Variants in ROR1 observed in about 807,000 individuals in gnomAD.
The protein encoded by ROR1 is ROR family WNT receptor 1.
A neutral mutation model predicts 78.8 loss-of-function variants in ROR1; 19 were observed. The ratio of observed to expected loss-of-function variants is 0.24; its 90% CI spans 0.17 to 0.35. The LOEUF is 0.35. Among genes scored for constraint, ROR1 ranks in the 10% least tolerant of loss-of-function variants. The pLI, the probability that ROR1 is intolerant of heterozygous loss-of-function variation, is 1.00. For synonymous variants in ROR1, 386 were observed against 433.6 expected (o/e 0.89, Z 1.36); for missense variants, 917 against 1,177.8 (o/e 0.78, Z 3.24).
intron 1 of ROR1, among the ~76,000 whole-genome samples, chr1:63,817,539 A>T (rs1644899665): frequency 6.6e-6 from 1 of 152,196 alleles, no homozygotes; most frequent in African/African-American, 2.4e-5. Context: ...GCTCTTTGGC[A>T]GAAGACCAAA....
intron 1 of ROR1, among the ~76,000 whole-genome samples, chr1:64,006,704 C>G (rs889748692): frequency 6.6e-6 from 1 of 152,110 alleles, no homozygotes; most frequent in Non-Finnish European, 1.5e-5. Flanking sequence ...CTATTTTTGG[C>G]TCAGGACGTT....
At chr1:63,836,503 A>T (rs1274132343) in intron 1 of ROR1, among the ~76,000 whole-genome samples, 1 of 152,120 alleles carries the variant, frequency 6.6e-6, no homozygotes, top group Non-Finnish European at 1.5e-5. Context: ...GCAGGGGGGA[A>T]TTCTGAGTTG....
intron 8 of ROR1, among the ~76,000 whole-genome samples, chr1:64,167,689 C>CTAGGTACTAA (rs1650122464): frequency 6.6e-6 from 1 of 152,186 alleles, no homozygotes; most frequent in South Asian, 2.1e-4. Context: ...ACAGCCAAGT[C>CTAGGTACTAA]TAGGTACTAA....
At chr1:64,043,828 T>A (rs1646763388) in intron 2 of ROR1, among the ~76,000 whole-genome samples, 1 of 152,200 alleles carries the variant, frequency 6.6e-6, no homozygotes, top group South Asian at 2.1e-4. Flanking sequence ...AGTTTCCTTA[T>A]CTCTAAAATG....
At chr1:63,889,872 A>C (rs1403068156) in intron 1 of ROR1, among the ~76,000 whole-genome samples, 1 of 152,148 alleles carries the variant, frequency 6.6e-6, no homozygotes, top group African/African-American at 2.4e-5. Flanking sequence ...TGTGGAATTC[A>C]ATCTTATTTA....
intron 7 of ROR1, among the ~76,000 whole-genome samples, chr1:64,149,719 T>A (rs1301864626): frequency 6.6e-6 from 1 of 152,256 alleles, no homozygotes; most frequent in African/African-American, 2.4e-5. Context: ...TTTGTTGTGG[T>A]CACCTTCCAA....
intron 1 of ROR1, among the ~76,000 whole-genome samples, chr1:63,846,115 AGAATGTGTGTG>A (rs1557524476): frequency 1.5e-5 from 2 of 137,016 alleles, no homozygotes; most frequent in Non-Finnish European, 1.5e-5. Flanking sequence ...AGAGAGAGAG[AGAATGTGTGTG>A]TGTGTGTGTG....
chr1:64,087,914 A>G (rs1186074304), intron 4 of ROR1, among the ~76,000 whole-genome samples: 1 of 152,212 alleles, frequency 6.6e-6, no homozygotes, highest in Non-Finnish European at 1.5e-5. Context: ...TAATGACTCA[A>G]CTGGTGAGTA....
intron 4 of ROR1, among the ~76,000 whole-genome samples, chr1:64,117,779 A>G (rs1412268080): frequency 2.0e-5 from 3 of 152,166 alleles, no homozygotes; most frequent in African/African-American, 7.2e-5. Flanking sequence ...TCCTCTTTCC[A>G]CAACACCACA....
intron 1 of ROR1, among the ~76,000 whole-genome samples, chr1:63,934,767 CT>C (rs1645780936): frequency 6.6e-6 from 1 of 152,112 alleles, no homozygotes; most frequent in Non-Finnish European, 1.5e-5. Context: ...CAGCTTACGT[CT>C]AATGTCTGGG....
At position 64,049,949 on chromosome 1, in the gene ROR1, C is replaced by T; in HGVS notation, c.422C>T (p.Ser141Phe). Reference sequence around the variant, plus strand: ...GCAACAAACGGCAAGGAGGTGGTTTCTTCCACTGGAGTCTTGTTTGTCAAG... The same window carrying T: ...GCAACAAACGGCAAGGAGGTGGTTTTTTCCACTGGAGTCTTGTTTGTCAAG... Reference protein sequence around the residue: ...CVATNGKEVVSSTGVLFVKFG... With the variant: ...CVATNGKEVVFSTGVLFVKFG... Residue 141 changes from serine to phenylalanine, a missense_variant, in exon 3 of 9, where the codon TCT becomes TTT. This residue lies in a region of ROR1 where 835 missense variants were observed against 1,069.8 expected (regional missense o/e 0.78). Transcript: ENST00000371079. The T allele has an allele frequency of 6.2e-7, 1 of 1,614,208 alleles. No individual in the cohort carries two copies. Among genetic ancestry groups the T allele is most frequent in the Non-Finnish European group, 8.5e-7 (1 of 1,180,036 alleles).
At chr1:64,038,733 G>A (rs898145985) in intron 2 of ROR1, among the ~76,000 whole-genome samples, 2 of 152,036 alleles carry the variant, frequency 1.3e-5, no homozygotes, top group African/African-American at 2.4e-5. Context: ...CAGGCTCTTA[G>A]GTTTTTGTTT....
chr1:63,981,338 A>G (rs569957383), intron 1 of ROR1, among the ~76,000 whole-genome samples: 1 of 152,186 alleles, frequency 6.6e-6, no homozygotes, highest in South Asian at 2.1e-4. Context: ...TCCATCCCAA[A>G]TGCAGTAGCC....
intron 1 of ROR1, among the ~76,000 whole-genome samples, chr1:63,885,731 C>T (rs761640893): frequency 2.6e-5 from 4 of 152,084 alleles, no homozygotes; most frequent in African/African-American, 9.7e-5. Flanking sequence ...CCCAGAGATG[C>T]CCTTGGGTAT....
intron 1 of ROR1, among the ~76,000 whole-genome samples, chr1:63,881,473 C>G (rs1011811594): frequency 5.3e-5 from 8 of 152,110 alleles, no homozygotes; most frequent in African/African-American, 1.9e-4. Flanking sequence ...GACACCAAGA[C>G]CAATCAGGCC....
At chr1:63,852,213 A>G (rs1397547120) in intron 1 of ROR1, among the ~76,000 whole-genome samples, 1 of 152,212 alleles carries the variant, frequency 6.6e-6, no homozygotes, top group African/African-American at 2.4e-5. Flanking sequence ...CTTGCCCCAT[A>G]TGCACAGCTC....
At chr1:64,146,713 G>C (rs545944575) in intron 7 of ROR1, among the ~76,000 whole-genome samples, 1 of 152,082 alleles carries the variant, frequency 6.6e-6, no homozygotes, top group African/African-American at 2.4e-5. Flanking sequence ...TTTTCATTTC[G>C]ATGCCCTTCC....
chr1:64,034,198 T>TA (rs1037396638), intron 2 of ROR1, among the ~76,000 whole-genome samples: 4 of 143,792 alleles, frequency 2.8e-5, no homozygotes, highest in African/African-American at 7.5e-5. Context: ...TTTTTTTTTT[T>TA]ATTATCCTGA....
intron 7 of ROR1, among the ~76,000 whole-genome samples, chr1:64,150,040 A>G (rs1337896119): frequency 6.6e-6 from 1 of 152,054 alleles, no homozygotes. Context: ...TTTGTATGGG[A>G]AGGCAGAATC....
Sources: allele counts gnomAD v4.1 joint callset (sites outside exome capture counted in the v4.1 genomes callset), GRCh38; gene constraint gnomAD v4.1.1; regional missense constraint gnomAD v4.1.1; transcripts MANE v1.5; gene names NCBI Gene and HGNC (gene_info 2026-07-23, HGNC 2026-07-21).